The following SPAG16 variants were observed in gnomAD, a reference collection of about 807,000 sequenced individuals.
The protein encoded by SPAG16 is sperm-associated antigen 16 protein.
In SPAG16, 86 loss-of-function variants were observed where a neutral mutation model predicts 80.4. The ratio of observed to expected loss-of-function variants is 1.07; its 90% confidence interval spans 0.90 to 1.28. The LOEUF (loss-of-function observed/expected upper bound fraction) is 1.28. SPAG16 is among the 50% of genes most tolerant of loss of function. SPAG16 has a pLI of 0.00. For missense variants in SPAG16, 870 were observed against 765.3 expected (o/e 1.14, Z -1.61); for synonymous variants, 294 against 265.9 (o/e 1.11, Z -1.03).
intron 15 of SPAG16, among the ~76,000 whole-genome samples, chr2:214,263,185 G>A (rs968741310): frequency 6.6e-6 from 1 of 152,086 alleles, no homozygotes. Flanking sequence ...ATAACAGAAA[G>A]TTTGTTCTTG....
At chr2:214,316,538 C>A (rs72952036) in intron 15 of SPAG16, among the ~76,000 whole-genome samples, 4 of 152,184 alleles carry the variant, frequency 2.6e-5, no homozygotes, top group African/African-American at 4.8e-5. Flanking sequence ...TAAGGACCCG[C>A]GATGAAAGTT....
intron 15 of SPAG16, among the ~76,000 whole-genome samples, chr2:214,253,037 C>G (rs1690411527): frequency 6.6e-6 from 1 of 150,574 alleles, no homozygotes; most frequent in Non-Finnish European, 1.5e-5. Flanking sequence ...TTGCATTTCT[C>G]TAATGACCAG....
chr2:214,246,562 G>T (rs1268753314), intron 15 of SPAG16, among the ~76,000 whole-genome samples: 1 of 152,034 alleles, frequency 6.6e-6, no homozygotes, highest in Non-Finnish European at 1.5e-5. Context: ...TTAGTCCACT[G>T]TGCTGCAAAG....
chr2:214,259,845 T>A (rs1296251080), intron 15 of SPAG16, among the ~76,000 whole-genome samples: 2 of 152,184 alleles, frequency 1.3e-5, no homozygotes, highest in Non-Finnish European at 2.9e-5. Flanking sequence ...AGCTGCGTTA[T>A]CTACATAGAG....
chr2:214,392,685 C>T (rs1363845349), intron 15 of SPAG16, among the ~76,000 whole-genome samples: 1 of 126,442 alleles, frequency 7.9e-6, no homozygotes, highest in Non-Finnish European at 1.7e-5. Flanking sequence ...AGATAGAAAA[C>T]CAACCTACAA....
At chr2:213,545,060 C>T (rs116280569) in intron 10 of SPAG16, among the ~76,000 whole-genome samples, 1,974 of 152,170 alleles carry the variant, frequency 0.013, 20 homozygotes, top group South Asian at 0.036. Context: ...AATTACCAAA[C>T]TGTCTTCCAA....
chr2:214,103,445 A>T (rs750669201), intron 13 of SPAG16, among the ~76,000 whole-genome samples: 1 of 152,206 alleles, frequency 6.6e-6, no homozygotes, highest in Admixed American at 6.5e-5. Context: ...AAAGTGTTTC[A>T]TGAAACAGTT....
At chr2:213,676,081 C>G (rs1450220848) in intron 10 of SPAG16, among the ~76,000 whole-genome samples, 3 of 151,416 alleles carry the variant, frequency 2.0e-5, no homozygotes, top group Admixed American at 2.0e-4. Context: ...GTTTGTAGTT[C>G]TCCTTGAAGA....
At chr2:213,630,283 C>G (rs2062099393) in intron 10 of SPAG16, among the ~76,000 whole-genome samples, 1 of 151,914 alleles carries the variant, frequency 6.6e-6, no homozygotes, top group South Asian at 2.1e-4. Flanking sequence ...ACTCGGGAGG[C>G]TGAGGCAGGA....
rs867066662 is a variant in SPAG16 at position 213,869,264 on chromosome 2, A to T, written c.1214+6636A>T. 5.6e-3 allele frequency among the ~76,000 whole-genome samples: 356 copies of T among 63,590 alleles called. 5 individuals are homozygous for T. Among genetic ancestry groups the T allele is most frequent in the African/African-American group, 0.014 (319 of 23,528 alleles). 41.7% of individuals were successfully genotyped at this position (63,590 alleles called of 152,430 possible). A position where few individuals can be genotyped will look rare whatever the true frequency, so the allele number is the denominator to read the frequency against. On this transcript the variant is annotated intron_variant, in intron 11 of 15. Coordinates refer to ENST00000331683, the MANE Select transcript of SPAG16 (RefSeq NM_024532.5). ...GCTAAAGTCCATGTCAAAAAAAAAA[A>T]ATATATATATATATATGTATATATA...
At chr2:213,284,644 C>G in intron 1 of SPAG16, 25 bp downstream of exon 1, 2 of 1,598,562 alleles carry the variant, frequency 1.3e-6, no homozygotes, top group Middle Eastern at 1.7e-4. Flanking sequence ...GAGGCGCGGC[C>G]CGCTGCGCTG....
chr2:213,658,084 A>G (rs1270240873), intron 10 of SPAG16, among the ~76,000 whole-genome samples: 1 of 146,962 alleles, frequency 6.8e-6, no homozygotes, highest in Non-Finnish European at 1.5e-5. Flanking sequence ...ATGCAACACA[A>G]TTCTGCTATG....
intron 10 of SPAG16, among the ~76,000 whole-genome samples, chr2:213,724,873 G>A (rs996466834): frequency 6.7e-6 from 1 of 150,078 alleles, no homozygotes; most frequent in Non-Finnish European, 1.5e-5. Flanking sequence ...ATGTATTAGG[G>A]AAAAGCAGAA....
chr2:213,384,109 T>C (rs2067308227), intron 9 of SPAG16, among the ~76,000 whole-genome samples: 1 of 152,230 alleles, frequency 6.6e-6, no homozygotes, highest in African/African-American at 2.4e-5. Flanking sequence ...TTGTTTATTA[T>C]AGAAACTAGA....
intron 15 of SPAG16, among the ~76,000 whole-genome samples, chr2:214,294,380 T>A (rs1033184914): frequency 2.6e-5 from 4 of 152,238 alleles, no homozygotes; most frequent in Admixed American, 2.0e-4. Context: ...TTTGACTTTG[T>A]TGCTTCCAAT....
intron 13 of SPAG16, among the ~76,000 whole-genome samples, chr2:214,071,064 A>G (rs2050768145): frequency 6.6e-6 from 1 of 152,164 alleles, no homozygotes; most frequent in Admixed American, 6.6e-5. Context: ...CAGTACTGGA[A>G]ACTAGGAAAG....
intron 10 of SPAG16, among the ~76,000 whole-genome samples, chr2:213,501,614 C>T (rs534584586): frequency 6.6e-6 from 1 of 152,264 alleles, no homozygotes; most frequent in East Asian, 1.9e-4. Flanking sequence ...TGGGAAATAA[C>T]TACCGTAATT....
rs59810311 is a variant in SPAG16, at chr2:214,076,543, CTGTG to C, written c.1528-31633_1528-31630del. Among the ~76,000 whole-genome samples the C allele has an allele frequency of 2.0e-3, 244 of 124,452 alleles. 1 individual carries two copies. Among genetic ancestry groups the C allele is most frequent in the East Asian group, 0.011 (33 of 2,934 alleles). The allele number at this position is 124,452 out of a possible 152,430, so 81.6% of individuals were successfully genotyped here. A position where few individuals can be genotyped will look rare whatever the true frequency, so the allele number is the denominator to read the frequency against. On this transcript the variant is annotated intron_variant, in intron 13 of 15. Coordinates refer to ENST00000331683, the MANE Select transcript of SPAG16 (RefSeq NM_024532.5). ...TGTGTGTGTGTGTGTGTGTGTGTGTCTGTGTGTGTGTGTGTGTGTGTGTTTGTGT... is the reference window on the plus strand; with the variant it reads ...TGTGTGTGTGTGTGTGTGTGTGTGTCTGTGTGTGTGTGTGTGTGTTTGTGT...
At chr2:214,357,932 C>G (rs1402556086) in intron 15 of SPAG16, among the ~76,000 whole-genome samples, 1 of 151,840 alleles carries the variant, frequency 6.6e-6, no homozygotes, top group Non-Finnish European at 1.5e-5. Flanking sequence ...CATGTGAATC[C>G]TGGGTCCAAA....
Sources: allele counts gnomAD v4.1 joint callset (sites outside exome capture counted in the v4.1 genomes callset), GRCh38; gene constraint gnomAD v4.1.1; transcripts MANE v1.5; gene names NCBI Gene and HGNC (gene_info 2026-07-23, HGNC 2026-07-21).